ADAMTS17: variants seen among roughly 807,000 people sequenced by gnomAD.
The protein encoded by ADAMTS17 is A disintegrin and metalloproteinase with thrombospondin motifs 17.
Under a neutral mutation model 141.5 loss-of-function variants are expected in ADAMTS17, and 113 were observed. The observed-to-expected ratio is 0.80, with a 90% CI of 0.69 to 0.93. ADAMTS17 has a LOEUF of 0.93. Among genes scored for constraint, ADAMTS17 ranks in the 40% least tolerant of loss-of-function variants. ADAMTS17 has a pLI of 0.00. For missense variants in ADAMTS17, 1,659 were observed against 1,517.9 expected (o/e 1.09, Z -1.54); for synonymous variants, 768 against 630.6 (o/e 1.22, Z -3.27).
At chr15:100,060,337 T>C (rs533316309) in intron 15 of ADAMTS17, among the ~76,000 whole-genome samples, 2 of 152,208 alleles carry the variant, frequency 1.3e-5, no homozygotes, top group African/African-American at 4.8e-5. Flanking sequence ...GAACAAAACC[T>C]TTGCAATGAG....
At chr15:100,066,060 CT>C (rs2033500246) in intron 15 of ADAMTS17, among the ~76,000 whole-genome samples, 1 of 152,148 alleles carries the variant, frequency 6.6e-6, no homozygotes, top group Non-Finnish European at 1.5e-5. Flanking sequence ...TGAACTCATT[CT>C]TTTTTATGGC....
At chr15:99,998,413 G>T (rs1268978901) in intron 18 of ADAMTS17, among the ~76,000 whole-genome samples, 1 of 152,142 alleles carries the variant, frequency 6.6e-6, no homozygotes, top group African/African-American at 2.4e-5. Context: ...GACCAGCCTG[G>T]CCAACATGGT....
At position 100,260,710 on chromosome 15, in the gene ADAMTS17, C is replaced by T. The variant is rs183073928; in HGVS notation, c.1031+769G>A. 5.1e-3 allele frequency among the ~76,000 whole-genome samples: 770 copies of T among 152,110 alleles called. 7 individuals carry two copies. The highest frequency in any genetic ancestry group is 0.018 in the African/African-American group (734 of 41,502). On this transcript the variant is annotated intron_variant, in intron 6 of 21. Coordinates refer to ENST00000268070, the MANE Select transcript of ADAMTS17 (RefSeq NM_139057.4). ...CCCAAGCTAAAGATACGATAAAGTTCTCCCTTCCACAACTTTACTTCCAAA... is the reference window on the plus strand; with the variant it reads ...CCCAAGCTAAAGATACGATAAAGTTTTCCCTTCCACAACTTTACTTCCAAA...
rs1458200622 is a variant in ADAMTS17, at chr15:100,341,007, AC to A, written c.450+31del. 2.0e-5 allele frequency: 30 copies of A among 1,509,728 alleles called. No individual in the cohort carries two copies. In the Admixed American group the frequency reaches 5.8e-4, roughly 29 times the overall value. 93.5% of individuals were successfully genotyped at this position (1,509,728 alleles called of 1,614,324 possible). The stretch of plus-strand genomic sequence containing the variant: ...ACCACTCTGCGTCGCAACAGACCGG[AC>A]GGGCCGACCCGGAGGTGGCGCGGGC... On this transcript the variant is annotated intron_variant, in intron 2 of 21. Coordinates refer to ENST00000268070, the MANE Select transcript of ADAMTS17 (RefSeq NM_139057.4).
At chr15:99,983,112 G>A (rs2060513414) in intron 20 of ADAMTS17, among the ~76,000 whole-genome samples, 1 of 152,178 alleles carries the variant, frequency 6.6e-6, no homozygotes, top group Non-Finnish European at 1.5e-5. Context: ...GTGATACTGA[G>A]ACATTGTGCA....
chr15:100,009,175 T>C (rs911772102), intron 18 of ADAMTS17, among the ~76,000 whole-genome samples: 4 of 152,146 alleles, frequency 2.6e-5, no homozygotes, highest in Non-Finnish European at 4.4e-5. Flanking sequence ...CTCATTCTCA[T>C]GCCCACTGTA....
intron 8 of ADAMTS17, among the ~76,000 whole-genome samples, chr15:100,160,053 T>C (rs938572805): frequency 2.2e-5 from 2 of 89,738 alleles, no homozygotes; most frequent in Non-Finnish European, 6.4e-5. Context: ...TCTCCTGGAA[T>C]GGCCCCCCAG....
intron 3 of ADAMTS17, among the ~76,000 whole-genome samples, chr15:100,307,025 G>T (rs760239109): frequency 6.6e-6 from 1 of 152,144 alleles, no homozygotes; most frequent in Non-Finnish European, 1.5e-5. Flanking sequence ...GTGAGCAAAC[G>T]CCATCCCAAA....
intron 6 of ADAMTS17, among the ~76,000 whole-genome samples, chr15:100,260,338 G>T (rs781527221): frequency 1.3e-5 from 2 of 152,044 alleles, no homozygotes; most frequent in Non-Finnish European, 2.9e-5. Context: ...GGATGGCCAG[G>T]CGTGGTGGCT....
At chr15:100,172,002 C>T (rs965843705) in intron 8 of ADAMTS17, among the ~76,000 whole-genome samples, 6 of 152,172 alleles carry the variant, frequency 3.9e-5, no homozygotes, top group Admixed American at 1.3e-4. Context: ...CAAGCAGACC[C>T]ACTTCCCCCA....
intron 14 of ADAMTS17, among the ~76,000 whole-genome samples, chr15:100,101,413 C>T (rs1040636329): frequency 6.6e-6 from 1 of 152,214 alleles, no homozygotes; most frequent in Non-Finnish European, 1.5e-5. Flanking sequence ...GTGCAGCACT[C>T]GGAATGTGAT....
intron 18 of ADAMTS17, among the ~76,000 whole-genome samples, chr15:100,042,794 ACTC>A (rs1343902664): frequency 6.6e-6 from 1 of 152,162 alleles, no homozygotes; most frequent in African/African-American, 2.4e-5. Context: ...TCATGACACT[ACTC>A]AGAACAGCAA....
chr15:100,157,622 C>T (rs988355333), intron 8 of ADAMTS17, among the ~76,000 whole-genome samples: 6 of 152,088 alleles, frequency 3.9e-5, no homozygotes, highest in African/African-American at 9.7e-5. Flanking sequence ...TGGTGCAAAG[C>T]GAGCATTTGG....
chr15:100,066,499 T>C (rs1327414865), intron 15 of ADAMTS17, among the ~76,000 whole-genome samples: 1 of 152,216 alleles, frequency 6.6e-6, no homozygotes, highest in Non-Finnish European at 1.5e-5. Flanking sequence ...TATCTTTTTT[T>C]CTTCCTTAAA....
At chr15:100,093,091 G>C (rs973329499) in intron 15 of ADAMTS17, among the ~76,000 whole-genome samples, 3 of 152,198 alleles carry the variant, frequency 2.0e-5, no homozygotes, top group Admixed American at 1.3e-4. Flanking sequence ...TCCTTCCATA[G>C]ATAAGTAGCT....
intron 12 of ADAMTS17, among the ~76,000 whole-genome samples, chr15:100,121,801 T>C (rs1478188852): frequency 2.6e-5 from 4 of 152,068 alleles, no homozygotes; most frequent in African/African-American, 9.7e-5. Flanking sequence ...AGCATGCTTC[T>C]TCAGTGGCCT....
At chr15:100,253,687 T>C (rs957763565) in intron 7 of ADAMTS17, among the ~76,000 whole-genome samples, 10 of 152,126 alleles carry the variant, frequency 6.6e-5, no homozygotes, top group African/African-American at 1.2e-4. Flanking sequence ...AGAGATTGCA[T>C]GTCTTATAAT....
chr15:100,196,549 C>T (rs754928768), intron 8 of ADAMTS17, among the ~76,000 whole-genome samples: 7 of 152,260 alleles, frequency 4.6e-5, no homozygotes, highest in Non-Finnish European at 1.0e-4. Context: ...AAGGCACACA[C>T]GCACATACCT....
chr15:100,065,602 G>A (rs1304554486), intron 15 of ADAMTS17, among the ~76,000 whole-genome samples: 1 of 152,166 alleles, frequency 6.6e-6, no homozygotes, highest in Non-Finnish European at 1.5e-5. Flanking sequence ...GCATACTCGT[G>A]TAATTCATGA....
Sources: allele counts gnomAD v4.1 joint callset (sites outside exome capture counted in the v4.1 genomes callset), GRCh38; gene constraint gnomAD v4.1.1; transcripts MANE v1.5; gene names NCBI Gene and HGNC (gene_info 2026-07-23, HGNC 2026-07-21).